Variants in STPG2 observed in about 807,000 individuals in gnomAD.
The protein encoded by STPG2 is sperm tail PG-rich repeat containing 2.
Under a neutral mutation model 54.2 loss-of-function variants are expected in STPG2, and 56 were observed. That is an observed-to-expected ratio of 1.03 (90% CI 0.83 to 1.29). STPG2 has a LOEUF of 1.29. Among genes scored for constraint, STPG2 ranks in the 50% most tolerant of loss-of-function variants. The pLI, the probability that STPG2 is intolerant of heterozygous loss-of-function variation, is 0.00. For missense variants in STPG2, 596 were observed against 544.9 expected, an observed-to-expected ratio of 1.09 and a Z score of -0.93; for synonymous variants, 200 against 181.8, an observed-to-expected ratio of 1.10 and a Z score of -0.81.
chr4:97,904,191 A>T (rs1484035363), intron 8 of STPG2, among the ~76,000 whole-genome samples: 1 of 152,190 alleles, frequency 6.6e-6, no homozygotes, highest in East Asian at 1.9e-4. Flanking sequence ...TGCAGACTTA[A>T]ATGTCCCTGT....
Position 98,073,086 on chromosome 4 carries a change from T to C in STPG2, c.612+32867A>G, listed in dbSNP as rs529417283. Among the ~76,000 whole-genome samples, 12 of 152,336 alleles carry C rather than the reference T, an allele frequency of 7.9e-5. No individual in the cohort carries two copies. The South Asian group carries it at 2.5e-3, about 32-fold the overall frequency. On this transcript the variant is annotated intron_variant, in intron 5 of 10. Coordinates refer to ENST00000295268, the MANE Select transcript of STPG2 (RefSeq NM_174952.3). ...TATTATTTATTTATTCATTCATTCA[T>C]GCTGCTTAAGGAGTTTTTTTATACT...
At chr4:97,513,935 G>T (rs1015755134) in intron 4 of STPG2, among the ~76,000 whole-genome samples, 1 of 152,070 alleles carries the variant, frequency 6.6e-6, no homozygotes, top group Non-Finnish European at 1.5e-5. Flanking sequence ...TATTAACAGT[G>T]CCCAGTGCTG....
chr4:97,456,954 T>C (rs1223742393), intron 4 of STPG2, among the ~76,000 whole-genome samples: 2 of 132,888 alleles, frequency 1.5e-5, no homozygotes, highest in African/African-American at 6.7e-5. Context: ...AATAGATAGA[T>C]ACCTTGCCAA....
chr4:97,809,120 G>A (rs1727660855), intron 9 of STPG2, among the ~76,000 whole-genome samples: 1 of 152,004 alleles, frequency 6.6e-6, no homozygotes, highest in Non-Finnish European at 1.5e-5. Flanking sequence ...TTTAAAACTT[G>A]TTGAGTGACA....
intron 6 of STPG2, 130 bp from the exon 7 acceptor site, chr4:97,972,570 A>C (rs9884501): frequency 0.39 from 207,354 of 525,024 alleles, 41,499 homozygotes; most frequent in African/African-American, 0.45. Flanking sequence ...ATAAATGTAA[A>C]ATGGCATAGT....
chr4:97,595,939 G>C (rs1353206753), intron 10 of STPG2, among the ~76,000 whole-genome samples: 1 of 152,216 alleles, frequency 6.6e-6, no homozygotes, highest in South Asian at 2.1e-4. Flanking sequence ...GAATGTAAAT[G>C]GGCTAAATGC....
chr4:97,984,465 A>G (rs1446338395), intron 5 of STPG2, among the ~76,000 whole-genome samples: 2 of 152,082 alleles, frequency 1.3e-5, no homozygotes, highest in Non-Finnish European at 2.9e-5. Context: ...TCTTACATTC[A>G]CTACCCACTC....
At chr4:97,729,785 G>C (rs1724742521) in intron 9 of STPG2, among the ~76,000 whole-genome samples, 1 of 152,148 alleles carries the variant, frequency 6.6e-6, no homozygotes. Context: ...TGTCACAAGT[G>C]TTTAGAAGCA....
intron 9 of STPG2, among the ~76,000 whole-genome samples, chr4:97,808,223 AATCTAT>A (rs1444328406): frequency 6.6e-6 from 1 of 152,020 alleles, no homozygotes; most frequent in East Asian, 1.9e-4. Flanking sequence ...TAAATGGGCA[AATCTAT>A]ATGACAATTG....
intron 4 of STPG2, among the ~76,000 whole-genome samples, chr4:97,537,847 C>G (rs1251945600): frequency 6.6e-6 from 1 of 152,144 alleles, no homozygotes; most frequent in African/African-American, 2.4e-5. Context: ...GAGATGAAAC[C>G]TCCAGAGGAA....
In STPG2 at chr4:97,527,520, G is replaced by A. The variant is rs191482417; in HGVS notation, c.462+185179C>T. ...TCCTTTGATTATATACCCAGTAATG[G>A]GATTGCTGGGTCAAATGGTATTTCT... On this transcript the variant is annotated intron_variant, in intron 4 of 4. Coordinates refer to the STPG2 transcript ENST00000522676. Among the ~76,000 whole-genome samples the A allele has an allele frequency of 4.4e-3, 668 of 152,132 alleles. 2 individuals carry two copies. Among genetic ancestry groups the A allele is most frequent in the Non-Finnish European group, 7.1e-3 (481 of 67,994 alleles).
chr4:97,939,124 G>T (rs2149227098), intron 8 of STPG2, among the ~76,000 whole-genome samples: 1 of 152,238 alleles, frequency 6.6e-6, no homozygotes, highest in East Asian at 1.9e-4. Context: ...GATTTTGAGT[G>T]ATTTTTTTAT....
At chr4:97,637,117 A>C (rs893101490) in intron 10 of STPG2, among the ~76,000 whole-genome samples, 15 of 152,244 alleles carry the variant, frequency 9.9e-5, no homozygotes, top group African/African-American at 3.4e-4. Flanking sequence ...AACCGAATCC[A>C]GCAGCACATC....
intron 1 of STPG2, among the ~76,000 whole-genome samples, chr4:98,138,612 C>A (rs1186934483): frequency 6.6e-6 from 1 of 152,002 alleles, no homozygotes; most frequent in Non-Finnish European, 1.5e-5. Context: ...ATCTTCAGGA[C>A]AACAACATAT....
chr4:97,863,033 A>T (rs1269213294), intron 8 of STPG2, among the ~76,000 whole-genome samples: 1 of 152,182 alleles, frequency 6.6e-6, no homozygotes, highest in African/African-American at 2.4e-5. Flanking sequence ...CACAATTAAA[A>T]GAACTAGAGA....
intron 9 of STPG2, among the ~76,000 whole-genome samples, chr4:97,823,984 T>A (rs1329215750): frequency 6.6e-6 from 1 of 152,166 alleles, no homozygotes; most frequent in Non-Finnish European, 1.5e-5. Context: ...CCCTCTTGGC[T>A]AACAACAGGT....
intron 8 of STPG2, among the ~76,000 whole-genome samples, chr4:97,858,333 A>C (rs191512039): frequency 6.6e-6 from 1 of 152,264 alleles, no homozygotes; most frequent in Admixed American, 6.5e-5. Context: ...AATGGAGCTC[A>C]AGTATGTCTG....
chr4:97,919,783 T>C (rs1314755628), intron 8 of STPG2, among the ~76,000 whole-genome samples: 3 of 152,148 alleles, frequency 2.0e-5, no homozygotes, highest in Non-Finnish European at 2.9e-5. Context: ...ACTCTTCCAG[T>C]GAATTCAGGG....
At chr4:97,771,415 G>A (rs1726215519) in intron 9 of STPG2, among the ~76,000 whole-genome samples, 1 of 152,100 alleles carries the variant, frequency 6.6e-6, no homozygotes, top group South Asian at 2.1e-4. Flanking sequence ...TCAGACCTTT[G>A]TGGAGAAAGT....
Sources: allele counts gnomAD v4.1 joint callset (sites outside exome capture counted in the v4.1 genomes callset), GRCh38; gene constraint gnomAD v4.1.1; transcripts MANE v1.5; gene names NCBI Gene and HGNC (gene_info 2026-07-23, HGNC 2026-07-21).